Variants in BABAM2 observed in about 807,000 individuals in gnomAD.
The protein encoded by BABAM2 is BRISC and BRCA1-A complex member 2.
A neutral mutation model predicts 54.7 loss-of-function variants in BABAM2; 31 were observed. That is an observed-to-expected ratio of 0.57 (90% confidence interval 0.43 to 0.77). The LOEUF (loss-of-function observed/expected upper bound fraction) is 0.77. Among genes scored for constraint, BABAM2 ranks in the 30% least tolerant of loss-of-function variants. BABAM2 has a pLI of 0.00. For missense variants in BABAM2, 364 were observed against 455.8 expected, an observed-to-expected ratio of 0.80 and a Z score of 1.83; for synonymous variants, 167 against 162.9, an observed-to-expected ratio of 1.03 and a Z score of -0.19.
chr2:28,249,565 G>T (rs540397868), intron 10 of BABAM2, among the ~76,000 whole-genome samples: 58 of 152,258 alleles, frequency 3.8e-4, no homozygotes, highest in African/African-American at 1.3e-3. Context: ...AAGTACAATG[G>T]TATGCATTTT....
intron 4 of BABAM2, among the ~76,000 whole-genome samples, chr2:27,999,652 A>G (rs914413026): frequency 3.3e-5 from 5 of 152,214 alleles, no homozygotes; most frequent in Non-Finnish European, 7.3e-5. Flanking sequence ...TGAGATGTTC[A>G]TGATTTGAGG....
intron 7 of BABAM2, among the ~76,000 whole-genome samples, chr2:28,180,588 A>T (rs1194654182): frequency 6.6e-6 from 1 of 152,194 alleles, no homozygotes; most frequent in East Asian, 1.9e-4. Context: ...TCAAAAGCAC[A>T]GGTAGCAAAA....
intron 3 of BABAM2, among the ~76,000 whole-genome samples, chr2:27,946,687 G>A (rs1669320502): frequency 6.6e-6 from 1 of 151,880 alleles, no homozygotes; most frequent in South Asian, 2.1e-4. Context: ...AGAGAGGAGA[G>A]GAGAGGAGAA....
chr2:28,101,002 C>T (rs6547829), intron 6 of BABAM2, among the ~76,000 whole-genome samples: 11,423 of 152,210 alleles, frequency 0.075, 505 homozygotes, highest in East Asian at 0.15. Context: ...GCAGGCAAAG[C>T]CCAGTGTCCA....
At chr2:27,900,251 A>G (rs1416336996) in intron 2 of BABAM2, among the ~76,000 whole-genome samples, 1 of 152,230 alleles carries the variant, frequency 6.6e-6, no homozygotes, top group African/African-American at 2.4e-5. Flanking sequence ...TAAAGGTCAC[A>G]AGAACCAGTC....
chr2:27,894,426 A>G, intron 1 of BABAM2, 107 bp from the exon 2 acceptor site: 3 of 1,098,216 alleles, frequency 2.7e-6, no homozygotes, highest in South Asian at 3.1e-5. Context: ...GAAATGAATT[A>G]TTTATTCATG....
chr2:28,154,993 T>G (rs1558389400), intron 7 of BABAM2, among the ~76,000 whole-genome samples: 1 of 152,238 alleles, frequency 6.6e-6, no homozygotes, highest in Non-Finnish European at 1.5e-5. Flanking sequence ...CCATTTGCTT[T>G]ATCTGTATTC....
At chr2:28,096,327 C>A (rs1666615390) in intron 6 of BABAM2, among the ~76,000 whole-genome samples, 1 of 151,542 alleles carries the variant, frequency 6.6e-6, no homozygotes, top group Admixed American at 6.6e-5. Context: ...ACATTTAGAC[C>A]CTCATTTAGA....
intron 7 of BABAM2, among the ~76,000 whole-genome samples, chr2:28,193,563 A>G (rs1462948026): frequency 6.6e-6 from 1 of 152,254 alleles, no homozygotes; most frequent in Admixed American, 6.5e-5. Flanking sequence ...GTAAAGTGGC[A>G]TGAAAATACA....
At chr2:27,987,730 G>A (rs1672503054) in intron 3 of BABAM2, among the ~76,000 whole-genome samples, 1 of 151,026 alleles carries the variant, frequency 6.6e-6, no homozygotes, top group African/African-American at 2.4e-5. Context: ...TGGGAGAATT[G>A]CTTGAGCCTG....
intron 11 of BABAM2, among the ~76,000 whole-genome samples, chr2:28,333,027 G>A (rs964159364): frequency 2.0e-5 from 3 of 152,120 alleles, no homozygotes; most frequent in African/African-American, 2.4e-5. Context: ...CAGGTTTCCC[G>A]CTTCGGCACA....
intron 11 of BABAM2, chr2:28,310,354 G>C: frequency 3.8e-6 from 2 of 524,806 alleles, no homozygotes; most frequent in Non-Finnish European, 3.4e-6. Context: ...TGGCTCCCCT[G>C]GGGGAGGGGC....
At chr2:28,158,157 G>A (rs1165711594) in intron 7 of BABAM2, among the ~76,000 whole-genome samples, 4 of 152,090 alleles carry the variant, frequency 2.6e-5, no homozygotes, top group Non-Finnish European at 5.9e-5. Context: ...ATAGGTAAAA[G>A]AGCAATGTTG....
chr2:28,016,778 G>A (rs1674858917), intron 4 of BABAM2, among the ~76,000 whole-genome samples: 1 of 152,162 alleles, frequency 6.6e-6, no homozygotes, highest in Admixed American at 6.5e-5. Context: ...TTCTATCAGT[G>A]TGCTACAATT....
chr2:27,910,918 G>A (rs879325436), intron 2 of BABAM2, among the ~76,000 whole-genome samples: 22 of 152,168 alleles, frequency 1.4e-4, no homozygotes, highest in Admixed American at 3.3e-4. Flanking sequence ...ATCCCCACCT[G>A]TCATGGGAGG....
chr2:28,167,694 A>C (rs2147837306), intron 7 of BABAM2, among the ~76,000 whole-genome samples: 1 of 86,528 alleles, frequency 1.2e-5, no homozygotes, highest in East Asian at 3.3e-4. Context: ...ACTCCATCTC[A>C]AAAAAATAAA....
intron 2 of BABAM2, among the ~76,000 whole-genome samples, chr2:27,914,793 G>T (rs2148314623): frequency 6.6e-6 from 1 of 152,242 alleles, no homozygotes; most frequent in East Asian, 1.9e-4. Context: ...CACGTACACA[G>T]ATATATGTAC....
chr2:28,314,906 C>T (rs971023894), intron 11 of BABAM2, among the ~76,000 whole-genome samples: 1 of 150,000 alleles, frequency 6.7e-6, no homozygotes, highest in Non-Finnish European at 1.5e-5. Context: ...CATGGGGGTT[C>T]CAGGAGGTAT....
rs1199851146 is a variant in BABAM2 at position 28,304,113 on chromosome 2, T to C, written c.1088+5622T>C. ...TTTTATCACCCAGGCTGGAGTGCAA[T>C]GGCATGATCTTGGCTCACCGCAACC... is the stretch of plus-strand genomic sequence containing the variant. On this transcript the variant is annotated intron_variant, in intron 11 of 11. Coordinates refer to ENST00000379624, the MANE Select transcript of BABAM2 (RefSeq NM_199191.3). The surrounding 1 kb of genome is among the most constrained non-coding windows in gnomAD (Gnocchi z 4.0). Among the ~76,000 whole-genome samples the C allele has an allele frequency of 6.6e-6, 1 of 152,102 alleles. No individual in the cohort carries two copies. Among genetic ancestry groups the C allele is most frequent in the African/African-American group, 2.4e-5 (1 of 41,412 alleles).
Sources: gnomAD v4.1 joint callset for allele counts (sites outside exome capture counted in the v4.1 genomes callset) on GRCh38, gnomAD v4.1.1 for gene constraint, Gnocchi (gnomAD v3.1) non-coding constraint, MANE v1.5 for transcripts, NCBI Gene and HGNC (gene_info 2026-07-23, HGNC 2026-07-21) for gene names.